Variants in GCNT1 observed in about 807,000 individuals in gnomAD.
GCNT1 encodes the protein glucosaminyl (N-acetyl) transferase 1, also known as beta-1,3-galactosyl-O-glycosyl-glycoprotein beta-1,6-N-acetylglucosaminyltransferase.
In GCNT1, 16 loss-of-function variants were observed where a neutral mutation model predicts 26.2. That is an observed-to-expected ratio of 0.61 (90% CI 0.41 to 0.93). GCNT1 has a LOEUF of 0.93. GCNT1 is among the 40% of genes least tolerant of loss of function. The probability of loss-of-function intolerance (pLI) is 0.00; values close to 1 mark genes in which losing one functional copy is unlikely to be tolerated. For synonymous variants in GCNT1, 183 were observed against 190.8 expected (o/e 0.96, Z 0.34); for missense variants, 477 against 526.7 (o/e 0.91, Z 0.92).
rs367942265 is a variant in GCNT1, at chr9:76,503,188, A to G, written c.807A>G (p.Thr269=). Residue 269 remains threonine (T), a synonymous_variant, in exon 4 of 4, where the codon ACA becomes ACG. Coordinates refer to ENST00000376730, the MANE Select transcript of GCNT1 (RefSeq NM_001490.5). ...YEVVNGKLTN[T]GTVKMLPPLE... ...TCGTTAATGGAAAGCTGACAAACAC[A>G]GGGACTGTCAAAATGCTTCCTCCAC... 5.6e-6 allele frequency: 9 copies of G among 1,614,060 alleles called. No individual in the cohort carries two copies. The highest frequency in any genetic ancestry group is 6.8e-6 in the Non-Finnish European group (8 of 1,180,008).
At chr9:76,431,213 G>C (rs11144897) in intron 1 of GCNT1, among the ~76,000 whole-genome samples, 28,907 of 152,064 alleles carry the variant, frequency 0.19, 3,334 homozygotes, top group Non-Finnish European at 0.26. Context: ...CTGAAATTTA[G>C]TTCTGACACT....
At chr9:76,491,370 T>C (rs563664655) in intron 2 of GCNT1, among the ~76,000 whole-genome samples, 2 of 152,382 alleles carry the variant, frequency 1.3e-5, no homozygotes, top group South Asian at 4.1e-4. Context: ...GTTTTTGCAC[T>C]GCATGCAATA....
intron 2 of GCNT1, among the ~76,000 whole-genome samples, chr9:76,469,856 G>A (rs934090125): frequency 5.3e-5 from 8 of 152,018 alleles, no homozygotes; most frequent in Admixed American, 1.3e-4. Flanking sequence ...AACACTCACC[G>A]CATGGCCCAA....
chr9:76,419,352 G>C (rs527491730), upstream of GCNT1, among the ~76,000 whole-genome samples: 3 of 152,132 alleles, frequency 2.0e-5, no homozygotes, highest in Non-Finnish European at 4.4e-5. Flanking sequence ...CATATTGGTT[G>C]GTAAAATAAA....
upstream of GCNT1, among the ~76,000 whole-genome samples, chr9:76,455,921 TG>T (rs1305422840): frequency 6.6e-6 from 1 of 152,200 alleles, no homozygotes; most frequent in Non-Finnish European, 1.5e-5. Context: ...GTTATTTGAT[TG>T]TACTTGTAAC....
intron 1 of GCNT1, among the ~76,000 whole-genome samples, chr9:76,433,140 C>T (rs1048956386): frequency 1.3e-5 from 2 of 152,220 alleles, no homozygotes; most frequent in Non-Finnish European, 2.9e-5. Flanking sequence ...TCAGCATAAT[C>T]TCATTCTTCT....
intron 1 of GCNT1, among the ~76,000 whole-genome samples, chr9:76,433,471 C>T (rs1823364874): frequency 6.6e-6 from 1 of 152,216 alleles, no homozygotes; most frequent in African/African-American, 2.4e-5. Flanking sequence ...TGCTGGAGTC[C>T]ACCATGGGAG....
chr9:76,488,909 G>T (rs895466371), intron 2 of GCNT1, among the ~76,000 whole-genome samples: 1 of 152,202 alleles, frequency 6.6e-6, no homozygotes, highest in Non-Finnish European at 1.5e-5. Context: ...TTGCTATGAG[G>T]CAAACCACTT....
upstream of GCNT1, among the ~76,000 whole-genome samples, chr9:76,454,249 G>T (rs1394846360): frequency 6.6e-6 from 1 of 151,930 alleles, no homozygotes; most frequent in Non-Finnish European, 1.5e-5. Flanking sequence ...GTTGGTGCAT[G>T]CCTGTAATCC....
chr9:76,428,280 AAAAAAAAAACTT>A (rs1019423238), intron 1 of GCNT1, among the ~76,000 whole-genome samples: 77 of 143,060 alleles, frequency 5.4e-4, no homozygotes, highest in South Asian at 1.8e-3. Context: ...AAAAAAAAAA[AAAAAAAAAACTT>A]AAAAAAAAAA....
At chr9:76,474,812 G>A (rs1311572170) in intron 2 of GCNT1, among the ~76,000 whole-genome samples, 1 of 152,232 alleles carries the variant, frequency 6.6e-6, no homozygotes, top group Non-Finnish European at 1.5e-5. Flanking sequence ...ATAAAAAATG[G>A]AAACATTTCA....
intron 2 of GCNT1, among the ~76,000 whole-genome samples, chr9:76,494,242 G>C (rs587171): frequency 0.6 from 91,594 of 152,016 alleles, 28,194 homozygotes; most frequent in African/African-American, 0.72. Flanking sequence ...GCACCCTTGC[G>C]TATTCTCCTG....
At chr9:76,492,443 GAGGAC>G (rs955212026) in intron 2 of GCNT1, among the ~76,000 whole-genome samples, 5 of 151,976 alleles carry the variant, frequency 3.3e-5, no homozygotes, top group African/African-American at 1.2e-4. Context: ...AAGGGACCTT[GAGGAC>G]AGCTGTCCGG....
rs543453515 is a variant in GCNT1 at position 76,497,049 on chromosome 9, T to C, written c.-289-3867T>C. ...TCCCAGAATTCATGAGCTTTTGTCATTTAGAATGTTTCTTACTCTTCTGTA... is the reference window on the plus strand; with the variant it reads ...TCCCAGAATTCATGAGCTTTTGTCACTTAGAATGTTTCTTACTCTTCTGTA... On this transcript the variant is annotated intron_variant, in intron 2 of 3. Transcript: ENST00000376730. Among the ~76,000 whole-genome samples the C allele has an allele frequency of 3.0e-3, 451 of 152,312 alleles. 2 individuals are homozygous for C. The highest frequency in any genetic ancestry group is 0.017 in the Middle Eastern group (5 of 292).
At chr9:76,421,955 G>C (rs1823202494) in intron 1 of GCNT1, among the ~76,000 whole-genome samples, 1 of 152,038 alleles carries the variant, frequency 6.6e-6, no homozygotes, top group Non-Finnish European at 1.5e-5. Context: ...AATTTATAAA[G>C]AAAAGAGGTT....
upstream of GCNT1, among the ~76,000 whole-genome samples, chr9:76,416,482 G>A (rs1003240337): frequency 3.3e-5 from 5 of 152,200 alleles, no homozygotes; most frequent in African/African-American, 1.2e-4. Context: ...ACTGCTAAAA[G>A]AGCATTAATT....
intron 2 of GCNT1, among the ~76,000 whole-genome samples, chr9:76,464,975 A>T (rs150204361): frequency 6.6e-6 from 1 of 151,438 alleles, no homozygotes; most frequent in East Asian, 2.0e-4. Flanking sequence ...CCAGTTTCCA[A>T]TGAGATTTTT....
At chr9:76,422,691 T>G (rs1823211454) in intron 1 of GCNT1, among the ~76,000 whole-genome samples, 1 of 152,180 alleles carries the variant, frequency 6.6e-6, no homozygotes, top group South Asian at 2.1e-4. Context: ...TAGCTGGAAC[T>G]ACAGGTGCAT....
upstream of GCNT1, among the ~76,000 whole-genome samples, chr9:76,417,521 A>T (rs544957608): frequency 6.6e-6 from 1 of 152,330 alleles, no homozygotes; most frequent in Admixed American, 6.5e-5. Flanking sequence ...CGTCAACTGA[A>T]CAAAACAGGG....
Sources: gnomAD v4.1 joint callset for allele counts (sites outside exome capture counted in the v4.1 genomes callset) on GRCh38, gnomAD v4.1.1 for gene constraint, MANE v1.5 for transcripts, NCBI Gene and HGNC (gene_info 2026-07-23, HGNC 2026-07-21) for gene names.